Variants in FAF1 observed in about 807,000 individuals in gnomAD.
FAF1 encodes the protein Fas associated factor 1.
FAF1 carries 25 observed loss-of-function variants against 92.5 expected under a neutral mutation model. The ratio of observed to expected loss-of-function variants is 0.27; its 90% CI spans 0.20 to 0.38. The LOEUF is 0.38. Among genes scored for constraint, FAF1 ranks in the 10% least tolerant of loss-of-function variants. The probability of loss-of-function intolerance (pLI) is 1.00; values close to 1 mark genes in which losing one functional copy is unlikely to be tolerated. For missense variants in FAF1, 636 were observed against 793.3 expected, an observed-to-expected ratio of 0.80 and a Z score of 2.38; for synonymous variants, 234 against 273.2, an observed-to-expected ratio of 0.86 and a Z score of 1.42.
chr1:50,920,957 AT>A (rs545581325), intron 1 of FAF1, among the ~76,000 whole-genome samples: 89 of 152,350 alleles, frequency 5.8e-4, no homozygotes, highest in Non-Finnish European at 1.0e-3. Flanking sequence ...AGAAAAAGTC[AT>A]AAAAATTGGA....
At chr1:50,634,083 C>T (rs762771337) in intron 8 of FAF1, among the ~76,000 whole-genome samples, 18 of 151,990 alleles carry the variant, frequency 1.2e-4, no homozygotes, top group African/African-American at 3.1e-4. Flanking sequence ...TGTCATGATG[C>T]GAAGCAACAA....
At chr1:50,555,441 T>TG (rs1257524593) in intron 13 of FAF1, among the ~76,000 whole-genome samples, 3 of 151,404 alleles carry the variant, frequency 2.0e-5, no homozygotes, top group Non-Finnish European at 4.4e-5. Context: ...CATTAAAAAG[T>TG]GGGGAAACAA....
In FAF1 at chr1:50,475,659, C is replaced by T. The variant is rs190100205; in HGVS notation, c.1674G>A (p.Glu558=). Residue 558 remains glutamate (E), a synonymous_variant, in exon 18 of 19, where the codon GAG becomes GAA. Coordinates refer to ENST00000396153, the MANE Select transcript of FAF1 (RefSeq NM_007051.3). ...CCTTTGGCTCAGGAGGCAGGGCTTGCTCTAAGGACAGCCGGATGGCCTAGG... is the reference window on the plus strand; with the variant it reads ...CCTTTGGCTCAGGAGGCAGGGCTTGTTCTAAGGACAGCCGGATGGCCTAGG... ...EEREAIRLSL[E]QALPPEPKEE... is the part of the protein sequence containing the mutation. The T allele has an allele frequency of 1.9e-5, 31 of 1,613,750 alleles. No homozygotes were observed. The Admixed American group carries it at 5.2e-4, about 27-fold the overall frequency.
At chr1:50,920,443 A>C (rs973633613) in intron 1 of FAF1, among the ~76,000 whole-genome samples, 4 of 152,180 alleles carry the variant, frequency 2.6e-5, no homozygotes, top group African/African-American at 9.7e-5. Flanking sequence ...TGCCTGGCTC[A>C]TGTCACTGAT....
At chr1:50,617,738 G>T in intron 8 of FAF1, among the ~76,000 whole-genome samples, 1 of 144,740 alleles carries the variant, frequency 6.9e-6, no homozygotes, top group African/African-American at 2.6e-5. Flanking sequence ...ACTGATACCA[G>T]TTCTTCTTTA....
chr1:50,462,380 T>C (rs1214846756), intron 18 of FAF1: 1 of 152,200 alleles, frequency 6.6e-6, no homozygotes, highest in Non-Finnish European at 1.5e-5. Context: ...AGTTGATCCA[T>C]TTGACTCCAC....
chr1:50,775,204 T>C (rs982236438), intron 4 of FAF1, among the ~76,000 whole-genome samples: 5 of 152,132 alleles, frequency 3.3e-5, no homozygotes, highest in Non-Finnish European at 5.9e-5. Flanking sequence ...ATTTTTAAAA[T>C]TTCCTGTGAT....
intron 1 of FAF1, among the ~76,000 whole-genome samples, chr1:50,929,246 A>G (rs1264370239): frequency 2.0e-5 from 3 of 152,316 alleles, no homozygotes; most frequent in African/African-American, 7.2e-5. Flanking sequence ...GAATTAAAAC[A>G]GAAAGTTCTT....
At chr1:50,631,334 A>T (rs1432531738) in intron 8 of FAF1, among the ~76,000 whole-genome samples, 2 of 152,206 alleles carry the variant, frequency 1.3e-5, no homozygotes, top group Non-Finnish European at 2.9e-5. Context: ...ATCTTGCACC[A>T]GCCAGATCTG....
chr1:50,637,983 T>C (rs1654139284), intron 8 of FAF1, among the ~76,000 whole-genome samples: 1 of 152,070 alleles, frequency 6.6e-6, no homozygotes, highest in Non-Finnish European at 1.5e-5. Context: ...TTAATTTCTC[T>C]CCAATTATTT....
intron 17 of FAF1, among the ~76,000 whole-genome samples, chr1:50,480,052 T>A (rs1646683049): frequency 6.6e-6 from 1 of 152,228 alleles, no homozygotes; most frequent in Admixed American, 6.5e-5. Flanking sequence ...AACTTCAGTT[T>A]GATTTGCTCA....
At chr1:50,866,067 T>C (rs1053983122) in intron 1 of FAF1, among the ~76,000 whole-genome samples, 2 of 152,176 alleles carry the variant, frequency 1.3e-5, no homozygotes, top group African/African-American at 4.8e-5. Flanking sequence ...ATAAATGTGA[T>C]ACACCACATA....
chr1:50,601,778 A>G (rs1487871325), intron 8 of FAF1, among the ~76,000 whole-genome samples: 2 of 151,694 alleles, frequency 1.3e-5, no homozygotes, highest in African/African-American at 4.8e-5. Context: ...ATATGTATAC[A>G]TATATTCATA....
intron 7 of FAF1, among the ~76,000 whole-genome samples, chr1:50,665,381 C>T (rs1333948725): frequency 1.3e-5 from 2 of 152,174 alleles, no homozygotes; most frequent in Non-Finnish European, 2.9e-5. Context: ...CCAAATATTT[C>T]GCTACAAGGA....
intron 2 of FAF1, among the ~76,000 whole-genome samples, chr1:50,822,730 T>A (rs1644053965): frequency 6.6e-6 from 1 of 151,828 alleles, no homozygotes; most frequent in Non-Finnish European, 1.5e-5. Context: ...TAAAGGCTAG[T>A]AGTTTTTTTG....
At chr1:50,487,578 C>A (rs1459607962) in intron 17 of FAF1, among the ~76,000 whole-genome samples, 1 of 152,112 alleles carries the variant, frequency 6.6e-6, no homozygotes, top group Non-Finnish European at 1.5e-5. Context: ...AGTCTTACAG[C>A]CTTTCTCCTT....
chr1:50,826,953 T>C (rs544604222), intron 2 of FAF1, among the ~76,000 whole-genome samples: 5 of 150,968 alleles, frequency 3.3e-5, no homozygotes, highest in African/African-American at 1.2e-4. Flanking sequence ...GGCCGCCCCG[T>C]CTGGGAGGTG....
intron 4 of FAF1, among the ~76,000 whole-genome samples, chr1:50,747,728 T>G (rs1659685294): frequency 6.6e-6 from 1 of 152,222 alleles, no homozygotes; most frequent in Admixed American, 6.5e-5. Context: ...GCATCCCCAA[T>G]CATGTTAAAT....
intron 6 of FAF1, among the ~76,000 whole-genome samples, chr1:50,708,079 G>A (rs538675986): frequency 2.0e-5 from 3 of 152,114 alleles, no homozygotes; most frequent in Non-Finnish European, 4.4e-5. Flanking sequence ...AAGTGCTGGG[G>A]TTACAGGTGT....
Sources: gnomAD v4.1 joint callset for allele counts (sites outside exome capture counted in the v4.1 genomes callset) on GRCh38, gnomAD v4.1.1 for gene constraint, MANE v1.5 for transcripts, NCBI Gene and HGNC (gene_info 2026-07-23, HGNC 2026-07-21) for gene names.